The following PHACTR3 variants were observed in gnomAD, a reference collection of about 807,000 sequenced individuals.
The protein encoded by PHACTR3 is protein phosphatase 1, regulatory subunit 123.
PHACTR3 carries 16 observed loss-of-function variants against 66.8 expected under a neutral mutation model. The observed-to-expected ratio is 0.24, with a 90% confidence interval of 0.16 to 0.36. The LOEUF is 0.36. Ranked by LOEUF, PHACTR3 falls within the 10% of genes least tolerant of loss-of-function variation. PHACTR3 has a pLI of 1.00. For synonymous variants in PHACTR3, 323 were observed against 292.1 expected (o/e 1.11, Z -1.08); for missense variants, 647 against 719.9 (o/e 0.90, Z 1.16).
At chr20:59,758,367 T>C (rs1002733558) in intron 4 of PHACTR3, among the ~76,000 whole-genome samples, 3 of 152,232 alleles carry the variant, frequency 2.0e-5, no homozygotes, top group Non-Finnish European at 4.4e-5. Flanking sequence ...AGATTTGCTT[T>C]TTCTTATAAA....
At position 59,701,456 on chromosome 20, in the gene PHACTR3, G is replaced by GCA. The variant is rs1234762076; in HGVS notation, c.119-41651_119-41650insCA. ...GCTACCATCTGTCTGCCAGTCTCTG[G>GCA]GGACACTAGTTACTCTGACAGTCTA... On this transcript the variant is annotated intron_variant, in intron 1 of 12. Transcript: ENST00000371015. Among the ~76,000 whole-genome samples the GCA allele has an allele frequency of 7.3e-4, 111 of 152,222 alleles. No individual in the cohort carries two copies. The Middle Eastern group carries it at 0.014, about 19-fold the overall frequency.
intron 1 of PHACTR3, among the ~76,000 whole-genome samples, chr20:59,675,045 C>T (rs1233513123): frequency 8.4e-6 from 1 of 118,622 alleles, no homozygotes; most frequent in Non-Finnish European, 1.7e-5. Flanking sequence ...TCCCCCTTCT[C>T]CTCCCTGTTC....
chr20:59,756,059 G>A (rs758680096), intron 4 of PHACTR3, among the ~76,000 whole-genome samples: 1 of 152,078 alleles, frequency 6.6e-6, no homozygotes, highest in African/African-American at 2.4e-5. Context: ...GGGGCTTTGC[G>A]TAGTGGTGGT....
chr20:59,595,827 G>A (rs2180680), intron 1 of PHACTR3, among the ~76,000 whole-genome samples: 44,969 of 152,012 alleles, frequency 0.3, 7,507 homozygotes, highest in Non-Finnish European at 0.4. Flanking sequence ...CTCCTTTATC[G>A]TTATGTAATG....
rs796991184 is a variant in PHACTR3 at position 59,743,048 on chromosome 20, C to A, written c.119-59C>A. ...GGGTGAGAGGTCATCACCTTGGGCCCCCAGGAGTCACATAGGTTTGGTGGC... is the reference window on the plus strand; with the variant it reads ...GGGTGAGAGGTCATCACCTTGGGCCACCAGGAGTCACATAGGTTTGGTGGC... On this transcript the variant is annotated intron_variant, in intron 1 of 12. Transcript: ENST00000371015. The A allele has an allele frequency of 3.2e-6, 5 of 1,568,298 alleles. No individual in the cohort carries two copies. In the African/African-American group the frequency reaches 6.8e-5, roughly 21 times the overall value.
rs573779779 is a variant in PHACTR3 at position 59,783,966 on chromosome 20, C to T, written c.1174+9476C>T. 2.0e-5 allele frequency among the ~76,000 whole-genome samples: 3 copies of T among 152,362 alleles called. No homozygotes were observed. In the East Asian group the frequency reaches 5.8e-4, roughly 29 times the overall value. On this transcript the variant is annotated intron_variant, in intron 7 of 12. Coordinates refer to ENST00000371015, the MANE Select transcript of PHACTR3 (RefSeq NM_080672.5). Reference sequence around the variant, plus strand: ...CTGGGCCTCTGCACTTTGCAGGCTCCGCAAGGGTGAAGGTCAATCTTGTGT... The same window carrying T: ...CTGGGCCTCTGCACTTTGCAGGCTCTGCAAGGGTGAAGGTCAATCTTGTGT...
chr20:59,644,990 C>T (rs117230941), intron 1 of PHACTR3, among the ~76,000 whole-genome samples: 118 of 152,116 alleles, frequency 7.8e-4, no homozygotes, highest in Non-Finnish European at 1.3e-3. Flanking sequence ...CCTGACAGCA[C>T]GTTTTTCAGC....
chr20:59,721,755 G>A (rs536704727), intron 1 of PHACTR3, among the ~76,000 whole-genome samples: 97 of 152,248 alleles, frequency 6.4e-4, no homozygotes, highest in South Asian at 3.7e-3. Context: ...TCCTGAGGGC[G>A]GAGGAACTTG....
intron 1 of PHACTR3, among the ~76,000 whole-genome samples, chr20:59,716,192 C>G (rs1374216996): frequency 6.7e-6 from 1 of 149,990 alleles, no homozygotes; most frequent in Admixed American, 6.7e-5. Context: ...CTGCTTTGCT[C>G]TTCCCTTCAC....
intron 1 of PHACTR3, among the ~76,000 whole-genome samples, chr20:59,613,901 C>G (rs560759429): frequency 6.8e-4 from 104 of 152,328 alleles, no homozygotes; most frequent in Admixed American, 1.7e-3. Flanking sequence ...GTCACTGTTC[C>G]TCACAGAGCC....
At chr20:59,846,660 T>G (rs1600769988) in intron 12 of PHACTR3, among the ~76,000 whole-genome samples, 1 of 152,064 alleles carries the variant, frequency 6.6e-6, no homozygotes, top group East Asian at 1.9e-4. Context: ...ACTTAAAATG[T>G]GGTATAAAGA....
At chr20:59,620,252 C>A (rs2034183535) in intron 1 of PHACTR3, among the ~76,000 whole-genome samples, 1 of 152,206 alleles carries the variant, frequency 6.6e-6, no homozygotes, top group South Asian at 2.1e-4. Flanking sequence ...CTCCTGCGTA[C>A]CTTTCACCTA....
intron 11 of PHACTR3, chr20:59,843,696 A>C (rs1443323884): frequency 6.6e-6 from 1 of 152,148 alleles, no homozygotes; most frequent in Non-Finnish European, 1.5e-5. Flanking sequence ...AAGAATAAAG[A>C]CTTAAATGTA....
chr20:59,659,927 G>T (rs1291976211), intron 1 of PHACTR3, among the ~76,000 whole-genome samples: 1 of 152,132 alleles, frequency 6.6e-6, no homozygotes, highest in Non-Finnish European at 1.5e-5. Context: ...CCTCTGCCCT[G>T]CTACTCAGAC....
chr20:59,669,292 G>A (rs141590990), intron 1 of PHACTR3, among the ~76,000 whole-genome samples: 1 of 152,308 alleles, frequency 6.6e-6, no homozygotes, highest in African/African-American at 2.4e-5. Context: ...TCTCAAGACT[G>A]TGTTAACTAC....
intron 9 of PHACTR3, among the ~76,000 whole-genome samples, chr20:59,840,126 G>A (rs1280829906): frequency 1.3e-5 from 2 of 152,142 alleles, no homozygotes; most frequent in Non-Finnish European, 2.9e-5. Context: ...ATGCACAGAA[G>A]GGCTGAGGAG....
intron 1 of PHACTR3, among the ~76,000 whole-genome samples, chr20:59,634,663 C>T (rs971973846): frequency 2.6e-5 from 4 of 152,188 alleles, no homozygotes; most frequent in Non-Finnish European, 4.4e-5. Context: ...GCTCCCTGCC[C>T]TCAAGGCAGC....
chr20:59,714,304 T>C (rs546941722), intron 1 of PHACTR3, among the ~76,000 whole-genome samples: 1 of 152,350 alleles, frequency 6.6e-6, no homozygotes, highest in East Asian at 1.9e-4. Context: ...GCTTTTCTCC[T>C]GTTTTCTTCT....
intron 8 of PHACTR3, among the ~76,000 whole-genome samples, chr20:59,821,980 G>GCAATCCCACCCCTTCCCCAGCA (rs2042043652): frequency 1.7e-5 from 1 of 58,166 alleles, no homozygotes; most frequent in African/African-American, 8.4e-5. Flanking sequence ...TTTCTGCAGC[G>GCAATCCCACCCCTTCCCCAGCA]ATCCCACCCC....
Sources: gnomAD v4.1 joint callset for allele counts (sites outside exome capture counted in the v4.1 genomes callset) on GRCh38, gnomAD v4.1.1 for gene constraint, MANE v1.5 for transcripts, NCBI Gene and HGNC (gene_info 2026-07-23, HGNC 2026-07-21) for gene names.